The following SLC39A8 variants were observed in gnomAD, a reference collection of about 807,000 sequenced individuals.
The protein encoded by SLC39A8 is metal cation symporter ZIP8.
Under a neutral mutation model 40.4 loss-of-function variants are expected in SLC39A8, and 15 were observed. The observed-to-expected ratio is 0.37, with a 90% CI of 0.25 to 0.57. The LOEUF (loss-of-function observed/expected upper bound fraction) is 0.57, where lower values mean the gene tolerates loss of function less well. Ranked by LOEUF, SLC39A8 falls within the 20% of genes least tolerant of loss-of-function variation. SLC39A8 has a pLI of 0.75. For synonymous variants in SLC39A8, 223 were observed against 221.6 expected, an observed-to-expected ratio of 1.01 and a Z score of -0.06; for missense variants, 472 against 558.8, an observed-to-expected ratio of 0.84 and a Z score of 1.57.
At chr4:102,330,737 G>A (rs1735415709) in intron 2 of SLC39A8, among the ~76,000 whole-genome samples, 1 of 152,088 alleles carries the variant, frequency 6.6e-6, no homozygotes, top group African/African-American at 2.4e-5. Context: ...AAAATTTCAG[G>A]TCAATATCCC....
At chr4:102,285,398 G>T (rs233816) in intron 6 of SLC39A8, among the ~76,000 whole-genome samples, 25,472 of 152,020 alleles carry the variant, frequency 0.17, 2,512 homozygotes, top group Middle Eastern at 0.23. Context: ...CAGACATATA[G>T]TAGAATCAAA....
intron 3 of SLC39A8, among the ~76,000 whole-genome samples, chr4:102,308,183 C>G (rs1161040992): frequency 6.6e-6 from 1 of 151,980 alleles, no homozygotes; most frequent in Non-Finnish European, 1.5e-5. Flanking sequence ...CCTCAGGTCC[C>G]CAGCTGGAGC....
chr4:102,310,405 G>T (rs2149037319), intron 3 of SLC39A8, among the ~76,000 whole-genome samples: 1 of 152,212 alleles, frequency 6.6e-6, no homozygotes, highest in East Asian at 1.9e-4. Flanking sequence ...AATGAGAAGG[G>T]CTATGTTTTA....
At chr4:102,314,124 C>T (rs544491628) in intron 3 of SLC39A8, among the ~76,000 whole-genome samples, 2 of 152,150 alleles carry the variant, frequency 1.3e-5, no homozygotes, top group Admixed American at 6.5e-5. Flanking sequence ...AATGGTATAA[C>T]GATCTCTCCG....
chr4:102,328,341 T>G (rs1025274616), intron 2 of SLC39A8, among the ~76,000 whole-genome samples: 1 of 143,204 alleles, frequency 7.0e-6, no homozygotes, highest in Admixed American at 6.8e-5. Context: ...ATCTCTCTGT[T>G]TTTTTTTTTT....
intron 11 of SLC39A8, among the ~76,000 whole-genome samples, chr4:102,255,289 A>G (rs1044224093): frequency 6.6e-6 from 1 of 152,220 alleles, no homozygotes; most frequent in Non-Finnish European, 1.5e-5. Context: ...AGTTAAAGCC[A>G]AAAAGGACAT....
chr4:102,301,837 A>G (rs1038262812), intron 6 of SLC39A8, among the ~76,000 whole-genome samples: 1 of 152,026 alleles, frequency 6.6e-6, no homozygotes. Flanking sequence ...GTTAATTATG[A>G]TTTAAAAAAA....
chr4:102,322,600 A>G (rs1477651468), intron 2 of SLC39A8, among the ~76,000 whole-genome samples: 2 of 152,206 alleles, frequency 1.3e-5, no homozygotes, highest in Non-Finnish European at 2.9e-5. Flanking sequence ...CCCATTAAAT[A>G]ATACAATACA....
At chr4:102,344,336 A>G (rs1736065768) in intron 2 of SLC39A8, 108 bp downstream of exon 2, 1 of 744,652 alleles carries the variant, frequency 1.3e-6, no homozygotes, top group African/African-American at 1.9e-5. Flanking sequence ...TGAGAAATAT[A>G]ACAAGATTCT....
At chr4:102,279,634 G>A (rs774991654) in intron 6 of SLC39A8, among the ~76,000 whole-genome samples, 1 of 152,096 alleles carries the variant, frequency 6.6e-6, no homozygotes, top group Non-Finnish European at 1.5e-5. Context: ...TCGATGGGGG[G>A]GCCCTATAAT....
At chr4:102,260,246 T>C (rs1011887940), downstream of SLC39A8, among the ~76,000 whole-genome samples, 3 of 152,230 alleles carry the variant, frequency 2.0e-5, no homozygotes, top group Admixed American at 6.5e-5. Flanking sequence ...AGCCTGTCTG[T>C]ACCTGAGACA....
chr4:102,258,104 G>GTTTTTTTTTTT (rs752860248), downstream of SLC39A8, among the ~76,000 whole-genome samples: 1 of 146,132 alleles, frequency 6.8e-6, no homozygotes, highest in African/African-American at 2.7e-5. Flanking sequence ...AGTGTTTTTT[G>GTTTTTTTTTTT]TTTTTTGTTT....
At chr4:102,284,296 T>A (rs1733051991) in intron 6 of SLC39A8, among the ~76,000 whole-genome samples, 1 of 152,230 alleles carries the variant, frequency 6.6e-6, no homozygotes, top group Non-Finnish European at 1.5e-5. Context: ...CCATATTCTA[T>A]GTCCACATGT....
chr4:102,285,427 G>A (rs1733124755), intron 6 of SLC39A8, among the ~76,000 whole-genome samples: 1 of 152,020 alleles, frequency 6.6e-6, no homozygotes, highest in South Asian at 2.1e-4. Flanking sequence ...CCTAATCAAT[G>A]CCCTAACTCT....
At chr4:102,283,610 T>C (rs1733007921) in intron 6 of SLC39A8, among the ~76,000 whole-genome samples, 1 of 136,622 alleles carries the variant, frequency 7.3e-6, no homozygotes, top group African/African-American at 2.5e-5. Flanking sequence ...TCCTAGAGCT[T>C]TCAAATCCAC....
intron 6 of SLC39A8, among the ~76,000 whole-genome samples, chr4:102,278,517 A>C: frequency 6.6e-6 from 1 of 152,236 alleles, no homozygotes; most frequent in East Asian, 1.9e-4. Context: ...GTGGAGAAAT[A>C]GGAACACTTT....
chr4:102,319,749 T>TGACTGG (rs1734824396), intron 2 of SLC39A8, among the ~76,000 whole-genome samples: 1 of 152,126 alleles, frequency 6.6e-6, no homozygotes, highest in Non-Finnish European at 1.5e-5. Flanking sequence ...TGTGTCAATT[T>TGACTGG]GACTGGCCAC....
chr4:102,322,723 A>G (rs954294041), intron 2 of SLC39A8, among the ~76,000 whole-genome samples: 4 of 152,170 alleles, frequency 2.6e-5, no homozygotes, highest in African/African-American at 9.7e-5. Context: ...TTGTTTTGCA[A>G]TAGATTGAGA....
intron 2 of SLC39A8, among the ~76,000 whole-genome samples, chr4:102,322,128 G>T (rs1318595337): frequency 6.6e-6 from 1 of 152,128 alleles, no homozygotes; most frequent in Non-Finnish European, 1.5e-5. Context: ...GGTAAGCATA[G>T]GAGCAGTCTG....
Sources: allele counts gnomAD v4.1 joint callset (sites outside exome capture counted in the v4.1 genomes callset), GRCh38; gene constraint gnomAD v4.1.1; transcripts MANE v1.5; gene names NCBI Gene and HGNC (gene_info 2026-07-23, HGNC 2026-07-21).